GLI3: variants seen among roughly 807,000 people sequenced by gnomAD.
The protein encoded by GLI3 is transcription activator GLI3.
GLI3 carries 20 observed loss-of-function variants against 100.8 expected under a neutral mutation model. That is an observed-to-expected ratio of 0.20 (90% CI 0.14 to 0.29). The LOEUF (loss-of-function observed/expected upper bound fraction) is 0.29, where lower values mean the gene tolerates loss of function less well. Among genes scored for constraint, GLI3 ranks in the 10% least tolerant of loss-of-function variants. The pLI is 1.00. For missense variants in GLI3, 2,040 were observed against 2,128.5 expected (o/e 0.96, Z 0.82); for synonymous variants, 938 against 860.5 (o/e 1.09, Z -1.58).
intron 2 of GLI3, among the ~76,000 whole-genome samples, chr7:42,195,822 T>G (rs1787917483): frequency 6.6e-6 from 1 of 152,198 alleles, no homozygotes; most frequent in African/African-American, 2.4e-5. Context: ...GATGGACAGA[T>G]GAGTAAGTAT....
In GLI3 at chr7:41,973,642, C is replaced by A. The variant is rs570619771; in HGVS notation, c.1813-1015G>T. ...ATGTATAGCAGAGGATGAGCTTTTA[C>A]GTAAGCAAGCGTCATGAAAAGCAGG... On this transcript the variant is annotated intron_variant, in intron 12 of 14. Coordinates refer to ENST00000395925, the MANE Select transcript of GLI3 (RefSeq NM_000168.6). Among the ~76,000 whole-genome samples the A allele has an allele frequency of 2.8e-3, 419 of 152,210 alleles. 2 individuals are homozygous for A. The highest frequency in any genetic ancestry group is 9.5e-3 in the African/African-American group (395 of 41,522).
At chr7:42,172,440 G>A (rs1482800390) in intron 2 of GLI3, 16 of 631,538 alleles carry the variant, frequency 2.5e-5, no homozygotes, top group Non-Finnish European at 3.7e-5. Flanking sequence ...TAGATAGTAA[G>A]ATGAAAAAGG....
intron 4 of GLI3, among the ~76,000 whole-genome samples, chr7:42,072,557 T>C (rs1039044839): frequency 6.6e-6 from 1 of 152,198 alleles, no homozygotes; most frequent in Non-Finnish European, 1.5e-5. Flanking sequence ...GACAATGCAA[T>C]TGTATTCTGG....
intron 2 of GLI3, among the ~76,000 whole-genome samples, chr7:42,204,170 G>T (rs547365993): frequency 2.0e-5 from 3 of 151,480 alleles, no homozygotes; most frequent in South Asian, 4.2e-4. Context: ...GCCTTCATGG[G>T]CCTCCACCAA....
intron 3 of GLI3, among the ~76,000 whole-genome samples, chr7:42,119,398 T>A (rs1174197311): frequency 6.6e-6 from 1 of 152,172 alleles, no homozygotes; most frequent in African/African-American, 2.4e-5. Context: ...CACCCTTGAT[T>A]GTTCTGCTAC....
intron 2 of GLI3, among the ~76,000 whole-genome samples, chr7:42,155,078 G>A (rs1239152245): frequency 6.6e-6 from 1 of 152,194 alleles, no homozygotes; most frequent in Non-Finnish European, 1.5e-5. Flanking sequence ...CAAAGATTAT[G>A]GGATTGCTCT....
chr7:42,010,072 A>C (rs1319546010), intron 10 of GLI3, among the ~76,000 whole-genome samples: 1 of 152,218 alleles, frequency 6.6e-6, no homozygotes, highest in Non-Finnish European at 1.5e-5. Flanking sequence ...TAGATAATCC[A>C]TGAATGCTTA....
chr7:42,256,967 G>T (rs1206637752), intron 1 of GLI3, among the ~76,000 whole-genome samples: 1 of 151,986 alleles, frequency 6.6e-6, no homozygotes, highest in African/African-American at 2.4e-5. Flanking sequence ...GTGTTTTGTA[G>T]ATTTTATTTC....
At chr7:42,202,512 T>C (rs1329986449) in intron 2 of GLI3, among the ~76,000 whole-genome samples, 1 of 152,114 alleles carries the variant, frequency 6.6e-6, no homozygotes, top group East Asian at 1.9e-4. Context: ...TCAGTATCGA[T>C]TGTATTCATT....
At chr7:42,242,588 A>T (rs1016044), upstream of GLI3, among the ~76,000 whole-genome samples, 62,302 of 151,890 alleles carry the variant, frequency 0.41, 13,369 homozygotes, top group East Asian at 0.7. Context: ...AACCCCACTG[A>T]CTTCTCTTCC....
chr7:42,116,631 C>A (rs1031317982), intron 3 of GLI3, among the ~76,000 whole-genome samples: 1 of 152,116 alleles, frequency 6.6e-6, no homozygotes, highest in African/African-American at 2.4e-5. Context: ...CTCTGATGCA[C>A]GAGGGCACAG....
At chr7:42,076,715 G>T in intron 4 of GLI3, 37 bp downstream of exon 4, 1 of 1,296,308 alleles carries the variant, frequency 7.7e-7, no homozygotes, top group Non-Finnish European at 1.1e-6. Context: ...CCAGCATCTC[G>T]TTCCATTTCA....
At chr7:42,018,927 C>T (rs1320517068) in intron 10 of GLI3, among the ~76,000 whole-genome samples, 2 of 152,308 alleles carry the variant, frequency 1.3e-5, no homozygotes, top group South Asian at 2.1e-4. Context: ...AGGTAGAAGA[C>T]AACATCCCCC....
intron 3 of GLI3, among the ~76,000 whole-genome samples, chr7:42,134,538 A>G (rs949907987): frequency 1.3e-5 from 2 of 152,168 alleles, no homozygotes; most frequent in Non-Finnish European, 2.9e-5. Context: ...TTCTGAGTTT[A>G]TTAGATTTTG....
Position 41,965,013 on chromosome 7 carries a change from T to C in GLI3, c.4060A>G (p.Ile1354Val). The change falls in exon 15 of 15, where the codon ATC (isoleucine) becomes GTC (valine). Residue 1354 changes from isoleucine (I) to valine (V), a missense_variant. By Grantham distance (29) the Ile-to-Val change is conservative. This residue lies in a region of GLI3 where 1,041 missense variants were observed against 924.0 expected (regional missense o/e 1.13). Transcript: ENST00000395925. The part of the protein sequence containing the change: ...MLGQISATSH[I>V]NIYQGPESCL... ...CTCTCTGGCCCTTGGTAGATGTTGA[T>C]GTGTGAGGTAGCACTAATCTGCCCA... 3.1e-6 allele frequency: 5 copies of C among 1,613,850 alleles called. No homozygotes were observed. Among genetic ancestry groups the C allele is most frequent in the Non-Finnish European group, 4.2e-6 (5 of 1,179,976 alleles).
intron 3 of GLI3, among the ~76,000 whole-genome samples, chr7:42,139,514 T>C (rs1474466559): frequency 6.6e-6 from 1 of 152,108 alleles, no homozygotes; most frequent in East Asian, 1.9e-4. Flanking sequence ...ACTCCATCTC[T>C]ACTAAAAATA....
At chr7:42,095,118 G>C (rs1357448172) in intron 3 of GLI3, among the ~76,000 whole-genome samples, 1 of 152,224 alleles carries the variant, frequency 6.6e-6, no homozygotes, top group Non-Finnish European at 1.5e-5. Flanking sequence ...AAGCAGCTCA[G>C]TGTTGCTTTC....
chr7:42,264,183 G>T (rs922891699), upstream of GLI3, among the ~76,000 whole-genome samples: 1 of 152,168 alleles, frequency 6.6e-6, no homozygotes, highest in Non-Finnish European at 1.5e-5. Context: ...TTGGCCAGGC[G>T]TGGGCCACAT....
At position 41,964,434 on chromosome 7, in the gene GLI3, A is replaced by G; in HGVS notation, c.4639T>C (p.Phe1547Leu). ...GTGGTGCTCATGGACAGCGCTGGGA[A>G]TGGGAGGGACGCCCGAGGCGTGGTG... The part of the protein sequence containing the change: ...RLTTPRASLP[F>L]PALSMSTTNM... The change falls in exon 15 of 15, where the codon TTC becomes CTC. Residue 1547 changes from phenylalanine (F) to leucine (L), a missense_variant. Physicochemically the swap from Phe to Leu is conservative, Grantham distance 22 (BLOSUM62 0). Coordinates refer to ENST00000395925, the MANE Select transcript of GLI3 (RefSeq NM_000168.6). The G allele has an allele frequency of 6.2e-7, 1 of 1,614,042 alleles. No homozygotes were observed. Among genetic ancestry groups the G allele is most frequent in the Non-Finnish European group, 8.5e-7 (1 of 1,179,908 alleles).
Sources: gnomAD v4.1 joint callset for allele counts (sites outside exome capture counted in the v4.1 genomes callset) on GRCh38, gnomAD v4.1.1 for gene constraint, gnomAD v4.1.1 regional missense constraint, MANE v1.5 for transcripts, NCBI Gene and HGNC (gene_info 2026-07-23, HGNC 2026-07-21) for gene names.